Variants in CCSER1 observed in about 807,000 individuals in gnomAD.
CCSER1 encodes serine-rich coiled-coil domain-containing protein 1.
Under a neutral mutation model 82.0 loss-of-function variants are expected in CCSER1, and 41 were observed. That is an observed-to-expected ratio of 0.50 (90% CI 0.39 to 0.65). The LOEUF (loss-of-function observed/expected upper bound fraction) is 0.65, where lower values mean the gene tolerates loss of function less well. CCSER1 is among the 30% of genes least tolerant of loss of function. The probability of loss-of-function intolerance (pLI) is 0.00; values close to 1 mark genes in which losing one functional copy is unlikely to be tolerated. For missense variants in CCSER1, 1,119 were observed against 1,064.2 expected, an observed-to-expected ratio of 1.05 and a Z score of -0.72; for synonymous variants, 414 against 383.9, an observed-to-expected ratio of 1.08 and a Z score of -0.92.
intron 5 of CCSER1, among the ~76,000 whole-genome samples, chr4:90,568,869 G>A (rs1432922410): frequency 1.3e-5 from 2 of 151,050 alleles, no homozygotes; most frequent in East Asian, 2.0e-4. Flanking sequence ...CTGGGATCAA[G>A]CAATTCTCCT....
chr4:90,333,681 T>A lies in CCSER1; in HGVS notation c.1509+20634T>A, dbSNP rs1003600438. ...AGTGTAATTTTCAAAAGTTTAAAAA[T>A]GATTTTTTACAAATATAGATTGGAC... On this transcript the variant is annotated intron_variant, in intron 3 of 10. Coordinates refer to ENST00000509176, the MANE Select transcript of CCSER1 (RefSeq NM_001145065.2). 5.3e-5 allele frequency among the ~76,000 whole-genome samples: 8 copies of A among 152,222 alleles called. No homozygotes were observed. In the South Asian group the frequency reaches 1.2e-3, roughly 24 times the overall value.
At chr4:90,600,671 A>AT (rs576688282) in intron 5 of CCSER1, among the ~76,000 whole-genome samples, 42 of 151,608 alleles carry the variant, frequency 2.8e-4, no homozygotes, top group African/African-American at 2.7e-4. Flanking sequence ...CAAATCTATG[A>AT]TTTTTTTTCA....
intron 3 of CCSER1, among the ~76,000 whole-genome samples, chr4:90,353,004 A>C (rs960835675): frequency 6.6e-6 from 1 of 152,170 alleles, no homozygotes; most frequent in South Asian, 2.1e-4. Context: ...AATATTAGCA[A>C]TCATCAGGCA....
intron 5 of CCSER1, among the ~76,000 whole-genome samples, chr4:90,577,739 C>T (rs1032322626): frequency 4.6e-5 from 7 of 151,726 alleles, no homozygotes; most frequent in Non-Finnish European, 1.0e-4. Flanking sequence ...CCTCTGAACC[C>T]CCAAATGCTA....
chr4:91,516,879 C>G (rs767230015), intron 10 of CCSER1, among the ~76,000 whole-genome samples: 1 of 151,910 alleles, frequency 6.6e-6, no homozygotes, highest in Non-Finnish European at 1.5e-5. Flanking sequence ...TCTGATTTCT[C>G]GGAAGAGTAT....
intron 9 of CCSER1, among the ~76,000 whole-genome samples, chr4:91,023,227 C>G (rs1740170817): frequency 6.6e-6 from 1 of 152,128 alleles, no homozygotes; most frequent in African/African-American, 2.4e-5. Context: ...AATGGCCATA[C>G]TGCCCAAGGT....
chr4:90,263,902 G>A (rs1253878456), intron 1 of CCSER1, among the ~76,000 whole-genome samples: 1 of 152,106 alleles, frequency 6.6e-6, no homozygotes, highest in African/African-American at 2.4e-5. Flanking sequence ...TACCCCAGTG[G>A]CCTGAGAGCC....
intron 7 of CCSER1, among the ~76,000 whole-genome samples, chr4:90,748,439 T>A (rs1747932173): frequency 1.4e-5 from 2 of 148,000 alleles, no homozygotes; most frequent in Admixed American, 6.8e-5. Flanking sequence ...TCTATCATTG[T>A]TGGACATTTG....
chr4:91,495,887 A>G (rs1020233310), intron 10 of CCSER1, among the ~76,000 whole-genome samples: 3 of 151,610 alleles, frequency 2.0e-5, no homozygotes, highest in Non-Finnish European at 3.0e-5. Context: ...TTAAGTCAAA[A>G]TACTTTAGGT....
chr4:90,613,780 G>GA (rs1720694424), intron 5 of CCSER1, among the ~76,000 whole-genome samples: 1 of 151,990 alleles, frequency 6.6e-6, no homozygotes, highest in South Asian at 2.1e-4. Context: ...TCCTGTGCAG[G>GA]AAAAAACAAA....
At chr4:90,212,196 TA>T (rs1321811321) in intron 1 of CCSER1, among the ~76,000 whole-genome samples, 1 of 152,186 alleles carries the variant, frequency 6.6e-6, no homozygotes, top group Non-Finnish European at 1.5e-5. Flanking sequence ...ATATTCACTG[TA>T]AAGAGCTCAA....
chr4:91,031,695 C>A (rs1359438068), intron 9 of CCSER1, among the ~76,000 whole-genome samples: 1 of 151,996 alleles, frequency 6.6e-6, no homozygotes, highest in East Asian at 1.9e-4. Flanking sequence ...TTCAGAATTA[C>A]CTGGTTTTCT....
chr4:90,455,325 T>G (rs1578551596), intron 4 of CCSER1, among the ~76,000 whole-genome samples: 7 of 152,136 alleles, frequency 4.6e-5, no homozygotes, highest in Admixed American at 4.6e-4. Context: ...GTCTGAGTAT[T>G]AAGGAGTCCC....
At chr4:91,288,147 C>T (rs55642864) in intron 10 of CCSER1, among the ~76,000 whole-genome samples, 5,424 of 83,074 alleles carry the variant, frequency 0.065, 144 homozygotes, top group Middle Eastern at 0.14. Context: ...TATATACACT[C>T]GTATATATAT....
At chr4:91,496,674 T>C (rs372902140) in intron 10 of CCSER1, among the ~76,000 whole-genome samples, 322 of 19,080 alleles carry the variant, frequency 0.017, 89 homozygotes, top group East Asian at 0.1. Context: ...ATATATTCAA[T>C]ATATTTGAAT....
intron 8 of CCSER1, among the ~76,000 whole-genome samples, chr4:90,899,250 G>A (rs1445176024): frequency 1.3e-5 from 2 of 151,982 alleles, no homozygotes; most frequent in East Asian, 3.9e-4. Flanking sequence ...TTGGTTGTCA[G>A]CTTGAATATT....
At chr4:90,185,194 A>G (rs1734398586) in intron 1 of CCSER1, among the ~76,000 whole-genome samples, 1 of 152,038 alleles carries the variant, frequency 6.6e-6, no homozygotes, top group South Asian at 2.1e-4. Context: ...TTTGGTGAGG[A>G]GAAACTGCTT....
chr4:90,166,848 G>A (rs932314410), intron 1 of CCSER1, among the ~76,000 whole-genome samples: 2 of 151,974 alleles, frequency 1.3e-5, no homozygotes, highest in African/African-American at 4.8e-5. Context: ...TACATAGGTT[G>A]TGTAATTAAT....
chr4:91,188,750 T>G (rs1734772285), intron 10 of CCSER1, among the ~76,000 whole-genome samples: 1 of 152,170 alleles, frequency 6.6e-6, no homozygotes, highest in Admixed American at 6.5e-5. Context: ...GTATGCTTGA[T>G]ACTTTTGTGA....
Sources: gnomAD v4.1 joint callset for allele counts (sites outside exome capture counted in the v4.1 genomes callset) on GRCh38, gnomAD v4.1.1 for gene constraint, MANE v1.5 for transcripts, NCBI Gene and HGNC (gene_info 2026-07-23, HGNC 2026-07-21) for gene names.